Variants in BLOC1S3 observed in about 807,000 individuals in gnomAD.
BLOC1S3 encodes the protein biogenesis of lysosome-related organelles complex 1 subunit 3.
Under a neutral mutation model 9.1 loss-of-function variants are expected in BLOC1S3, and 7 were observed. The ratio of observed to expected loss-of-function variants is 0.77; its 90% CI spans 0.44 to 1.45. BLOC1S3 has a LOEUF of 1.45. Ranked by LOEUF, BLOC1S3 falls within the 40% of genes most tolerant of loss-of-function variation. BLOC1S3 has a pLI of 0.01. For missense variants in BLOC1S3, 307 were observed against 315.2 expected (o/e 0.97, Z 0.20); for synonymous variants, 145 against 158.4 (o/e 0.92, Z 0.64).
chr19:45,206,610 C>T (rs769235146), intron 3 of BLOC1S3, among the ~76,000 whole-genome samples: 2 of 143,534 alleles, frequency 1.4e-5, no homozygotes, highest in Admixed American at 1.4e-4. Flanking sequence ...CGTGTGCCCC[C>T]ACACCTAGTT....
At position 45,179,263 on chromosome 19, in the gene BLOC1S3, C is replaced by T. The variant is rs748218669; in HGVS notation, c.-9-25C>T. On this transcript the variant is annotated intron_variant, in intron 1 of 1. Transcript: ENST00000433642. This position sits in a 1 kb window ranked among gnomAD's most constrained non-coding sequence, Gnocchi z 4.6. ...CCCACCGCGGCGCCGGTCTCACGTG[C>T]AGTCCCTTCGCTCTTCTCCCCTAGT... is the stretch of plus-strand genomic sequence containing the variant. 1.3e-6 allele frequency: 2 copies of T among 1,528,118 alleles called. No homozygotes were observed. The highest frequency in any genetic ancestry group is 1.7e-6 in the Non-Finnish European group (2 of 1,145,056). 94.7% of individuals were successfully genotyped at this position (1,528,118 alleles called of 1,614,324 possible).
At chr19:45,217,015 T>C (rs1969842413), downstream of BLOC1S3, 1 of 151,968 alleles carries the variant, frequency 6.6e-6, no homozygotes, top group Non-Finnish European at 1.5e-5. Context: ...TGTACGTTCA[T>C]GGAGTCTTTT....
intron 3 of BLOC1S3, chr19:45,213,160 C>T (rs373668228): frequency 5.0e-5 from 80 of 1,590,300 alleles, no homozygotes; most frequent in African/African-American, 2.2e-4. Context: ...GAGGGGGAGG[C>T]GGCCCAGGAA....
upstream of BLOC1S3, among the ~76,000 whole-genome samples, chr19:45,187,113 G>A (rs904783130): frequency 9.2e-5 from 14 of 152,158 alleles, no homozygotes; most frequent in Non-Finnish European, 2.9e-5. Context: ...AGGCCAGGAG[G>A]ACCAGGCTGG....
rs147096172 is a variant in BLOC1S3 at position 45,216,325 on chromosome 19, C to G, written n.283-351C>G. On this transcript the variant is annotated intron_variant and non_coding_transcript_variant, in intron 3 of 3. Transcript: ENST00000591569. ...GGGTGGTGGCTCAAGCCTGTAATCC[C>G]AGCACTTTGGGAGGAGGCCGAGGCG... 4.0e-3 allele frequency: 5,259 copies of G among 1,322,356 alleles called. 177 individuals are homozygous for G. The African/African-American group carries it at 0.068, about 17-fold the overall frequency. 81.9% of individuals were successfully genotyped at this position (1,322,356 alleles called of 1,614,324 possible).
intron 3 of BLOC1S3, among the ~76,000 whole-genome samples, chr19:45,203,262 G>GTTTATTTATTTA (rs4012978): frequency 6.7e-6 from 1 of 149,674 alleles, no homozygotes; most frequent in Non-Finnish European, 1.5e-5. Flanking sequence ...TGCCTTTCAA[G>GTTTATTTATTTA]TTTATTTATT....
rs1969476392 is a variant in BLOC1S3 at position 45,179,500 on chromosome 19, GCCGGAGCCGGAA to G, written c.208_219del (p.Glu70_Pro73del). On this transcript the variant is annotated inframe_deletion, in exon 2 of 2. Coordinates refer to ENST00000433642, the MANE Select transcript of BLOC1S3 (RefSeq NM_212550.5). This position sits in a 1 kb window ranked among gnomAD's most constrained non-coding sequence, Gnocchi z 4.6. ...CCGCGGAGACCGACTCGGAGCCGGA[GCCGGAGCCGGAA>G]CCGACGGCCGCGCCGAGGGACCTGC... The G allele has an allele frequency of 6.6e-7, 1 of 1,523,680 alleles. No homozygotes were observed. Among genetic ancestry groups the G allele is most frequent in the Admixed American group, 2.0e-5 (1 of 50,380 alleles). The allele number at this position is 1,523,680 out of a possible 1,614,324, so 94.4% of individuals were successfully genotyped here. A position where few individuals can be genotyped will look rare whatever the true frequency, so the allele number is the denominator to read the frequency against.
chr19:45,204,970 G>A (rs768102020), intron 3 of BLOC1S3, among the ~76,000 whole-genome samples: 1 of 152,056 alleles, frequency 6.6e-6, no homozygotes, highest in African/African-American at 2.4e-5. Context: ...CTGACCTCGC[G>A]TAATCCCCCC....
Position 45,179,556 on chromosome 19 carries a change from G to A in BLOC1S3, c.260G>A (p.Arg87Gln), listed in dbSNP as rs1412703605. 6.6e-7 allele frequency: 1 copy of A among 1,518,606 alleles called. No individual in the cohort carries two copies. Among genetic ancestry groups the A allele is most frequent in the East Asian group, 2.6e-5 (1 of 38,926 alleles). 94.1% of individuals were successfully genotyped at this position (1,518,606 alleles called of 1,614,324 possible). A position where few individuals can be genotyped will look rare whatever the true frequency, so the allele number is the denominator to read the frequency against. The change falls in exon 2 of 2, where the codon CGG (arginine) becomes CAG (glutamine). Residue 87 changes from arginine (R) to glutamine (Q), a missense_variant. Transcript: ENST00000433642. This position sits in a 1 kb window ranked among gnomAD's most constrained non-coding sequence, Gnocchi z 4.6. ...PRDLPPLVVQ[R>Q]ESAEEAWGTE... is the part of the protein sequence containing the mutation. ...GACCTGCCTCCACTCGTGGTGCAGCGGGAATCGGCGGAGGAGGCCTGGGGC... is the reference window on the plus strand; with the variant it reads ...GACCTGCCTCCACTCGTGGTGCAGCAGGAATCGGCGGAGGAGGCCTGGGGC...
chr19:45,186,038 G>C (rs528702916), downstream of BLOC1S3, among the ~76,000 whole-genome samples: 70 of 152,124 alleles, frequency 4.6e-4, no homozygotes, highest in African/African-American at 1.6e-3. Flanking sequence ...ACTTAAACCT[G>C]GGAGGCGAAC....
intron 3 of BLOC1S3, among the ~76,000 whole-genome samples, chr19:45,211,065 C>T (rs540108054): frequency 6.6e-6 from 1 of 152,088 alleles, no homozygotes; most frequent in African/African-American, 2.4e-5. Flanking sequence ...GAGCTATGAT[C>T]GTGTCATTGC....
intron 2 of BLOC1S3, among the ~76,000 whole-genome samples, chr19:45,196,123 C>T (rs1969646748): frequency 6.6e-6 from 1 of 152,194 alleles, no homozygotes; most frequent in African/African-American, 2.4e-5. Context: ...AAACACATTT[C>T]CAGATGTGGA....
intron 3 of BLOC1S3, among the ~76,000 whole-genome samples, chr19:45,214,317 T>C (rs1421002081): frequency 6.6e-6 from 1 of 152,156 alleles, no homozygotes; most frequent in African/African-American, 2.4e-5. Context: ...TCTGTTTCTC[T>C]GAGTATGTCT....
intron 2 of BLOC1S3, among the ~76,000 whole-genome samples, chr19:45,195,589 CCCTTCCTCCCTCCTT>C (rs1969642230): frequency 2.1e-5 from 3 of 140,304 alleles, no homozygotes; most frequent in Admixed American, 7.2e-5. Flanking sequence ...CTCCCTCTCT[CCCTTCCTCCCTCCTT>C]CCTTCCTTCC....
downstream of BLOC1S3, among the ~76,000 whole-genome samples, chr19:45,184,933 G>GAAAA (rs1969555970): frequency 2.4e-5 from 3 of 124,132 alleles, no homozygotes; most frequent in African/African-American, 6.0e-5. Flanking sequence ...AAAAAAAAAG[G>GAAAA]AAGGAAGGGA....
chr19:45,203,359 T>C (rs901773707), intron 3 of BLOC1S3, among the ~76,000 whole-genome samples: 3 of 152,166 alleles, frequency 2.0e-5, no homozygotes, highest in Non-Finnish European at 4.4e-5. Flanking sequence ...CTGCAATCTC[T>C]GCCTCTTGGG....
intron 3 of BLOC1S3, chr19:45,216,266 T>C: frequency 6.4e-7 from 1 of 1,558,826 alleles, no homozygotes; most frequent in Non-Finnish European, 8.7e-7. Context: ...CCTCCTGGCT[T>C]GTTATACCAT....
chr19:45,201,986 G>A lies in BLOC1S3; in HGVS notation n.181-420G>A, dbSNP rs559996635. Among the ~76,000 whole-genome samples, 9 of 152,144 alleles carry A rather than the reference G, an allele frequency of 5.9e-5. No individual in the cohort carries two copies. The East Asian group carries it at 1.4e-3, about 23-fold the overall frequency. ...CGCCTGTAATCCCAGCACTTTGGGA[G>A]GCCGAGGCGGGTGGATCATGAGGTC... On this transcript the variant is annotated intron_variant and non_coding_transcript_variant, in intron 2 of 3. Transcript: ENST00000591569.
intron 3 of BLOC1S3, among the ~76,000 whole-genome samples, chr19:45,214,483 G>C (rs1452361448): frequency 6.8e-6 from 1 of 146,192 alleles, no homozygotes; most frequent in Non-Finnish European, 1.5e-5. Context: ...TGTTTGTTTT[G>C]AGACAGAGTC....
Sources: gnomAD v4.1 joint callset for allele counts (sites outside exome capture counted in the v4.1 genomes callset) on GRCh38, gnomAD v4.1.1 for gene constraint, Gnocchi (gnomAD v3.1) non-coding constraint, MANE v1.5 for transcripts, NCBI Gene and HGNC (gene_info 2026-07-23, HGNC 2026-07-21) for gene names.